Variants in TAAR2 observed in about 807,000 individuals in gnomAD.
TAAR2 encodes trace amine-associated receptor 2.
Under a neutral mutation model 25.5 loss-of-function variants are expected in TAAR2, and 30 were observed. That is an observed-to-expected ratio of 1.18 (90% CI 0.88 to 1.60). The LOEUF is 1.60. TAAR2 is among the 40% of genes most tolerant of loss of function. The probability of loss-of-function intolerance (pLI) is 0.00; values close to 1 mark genes in which losing one functional copy is unlikely to be tolerated. For synonymous variants in TAAR2, 150 were observed against 142.4 expected, an observed-to-expected ratio of 1.05 and a Z score of -0.38; for missense variants, 481 against 416.5, an observed-to-expected ratio of 1.15 and a Z score of -1.35.
In TAAR2 at chr6:132,617,311, C is replaced by A; in HGVS notation, c.895G>T (p.Ala299Ser). The A allele has an allele frequency of 1.2e-6, 2 of 1,613,606 alleles. No individual in the cohort carries two copies. The highest frequency in any genetic ancestry group is 1.7e-6 in the Non-Finnish European group (2 of 1,179,876). ...NFSTPVVLFD[A>S]LTWFGYFNST... ...TTAAAATAGCCAAACCATGTCAAGGCATCAAACAAAACTACAGGAGTAGAG... is the reference window on the plus strand; with the variant it reads ...TTAAAATAGCCAAACCATGTCAAGGAATCAAACAAAACTACAGGAGTAGAG... The change falls in exon 2 of 2, where the codon GCC becomes TCC. Residue 299 changes from alanine to serine, a missense_variant. Ala to Ser is a moderately conservative substitution (Grantham distance 99). Coordinates refer to ENST00000367931, the MANE Select transcript of TAAR2 (RefSeq NM_001033080.1).
intron 1 of TAAR2, among the ~76,000 whole-genome samples, chr6:132,621,373 C>A (rs1428153638): frequency 6.6e-6 from 1 of 151,906 alleles, no homozygotes; most frequent in Non-Finnish European, 1.5e-5. Context: ...GTTTTAAGAC[C>A]CGCATGCGTT....
In TAAR2 at chr6:132,618,210, T is replaced by C. The variant is rs1167908859; in HGVS notation, c.61-65A>G. 4.2e-6 allele frequency: 6 copies of C among 1,421,962 alleles called. No individual in the cohort carries two copies. In the East Asian group the frequency reaches 1.5e-4, roughly 34 times the overall value. The allele number at this position is 1,421,962 out of a possible 1,614,324, so 88.1% of individuals were successfully genotyped here. ...AAATATTCTATGTTTTATATATGCT[T>C]TCATAGAAAAACTCAAGAAAGGCAG... On this transcript the variant is annotated intron_variant, in intron 1 of 1. Coordinates refer to ENST00000367931, the MANE Select transcript of TAAR2 (RefSeq NM_001033080.1).
rs181472383 is a variant in TAAR2 at position 132,618,472 on chromosome 6, T to C, written c.61-327A>G. 2.9e-3 allele frequency among the ~76,000 whole-genome samples: 439 copies of C among 152,168 alleles called. 7 individuals carry two copies. Among genetic ancestry groups the C allele is most frequent in the Admixed American group, 0.028 (424 of 15,276 alleles). ...CTGGCCAACATGGTGAAACCCCATCTCTACTAAAAATACAAAAAGTAGCCA... is the reference window on the plus strand; with the variant it reads ...CTGGCCAACATGGTGAAACCCCATCCCTACTAAAAATACAAAAAGTAGCCA... On this transcript the variant is annotated intron_variant, in intron 1 of 1. Coordinates refer to ENST00000367931, the MANE Select transcript of TAAR2 (RefSeq NM_001033080.1).
In TAAR2 at chr6:132,617,369, G is replaced by T. The variant is rs750434826; in HGVS notation, c.837C>A (p.Phe279Leu). ...GVFLLCWFPC[F>L]FTILLDPFLN... is the part of the protein sequence containing the mutation. ...AAAAGGGATCCAATAAAATTGTGAA[G>T]AAACAAGGAAACCAACATAATAAGA... is the stretch of plus-strand genomic sequence containing the variant. Residue 279 changes from phenylalanine (F) to leucine (L), a missense_variant, in exon 2 of 2, where the codon TTC (phenylalanine) becomes TTA (leucine). Physicochemically the swap from Phe to Leu is conservative, Grantham distance 22. Coordinates refer to ENST00000367931, the MANE Select transcript of TAAR2 (RefSeq NM_001033080.1). The T allele has an allele frequency of 1.2e-6, 2 of 1,613,608 alleles. No individual in the cohort carries two copies. The highest frequency in any genetic ancestry group is 1.7e-6 in the Non-Finnish European group (2 of 1,179,810).
At chr6:132,622,672 G>T (rs1409973242) in intron 1 of TAAR2, among the ~76,000 whole-genome samples, 1 of 151,588 alleles carries the variant, frequency 6.6e-6, no homozygotes, top group Non-Finnish European at 1.5e-5. Context: ...TTTTAGTAGA[G>T]ACACGGTTTC....
At chr6:132,621,823 G>A (rs1408039423) in intron 1 of TAAR2, among the ~76,000 whole-genome samples, 1 of 151,958 alleles carries the variant, frequency 6.6e-6, no homozygotes, top group East Asian at 1.9e-4. Flanking sequence ...TATATCAGAT[G>A]ATTATTTGAT....
intron 1 of TAAR2, 118 bp from the exon 2 acceptor site, chr6:132,618,263 T>C (rs948777363): frequency 5.3e-6 from 5 of 938,886 alleles, no homozygotes; most frequent in African/African-American, 1.7e-5. Flanking sequence ...TAATTTATGC[T>C]GTAATATTAC....
intron 1 of TAAR2, among the ~76,000 whole-genome samples, chr6:132,623,380 T>C (rs1777400917): frequency 6.6e-6 from 1 of 152,106 alleles, no homozygotes. Flanking sequence ...TCCACAATCT[T>C]CCACATGCCT....
intron 1 of TAAR2, among the ~76,000 whole-genome samples, chr6:132,621,379 G>A (rs191250803): frequency 4.7e-4 from 72 of 152,138 alleles, no homozygotes; most frequent in South Asian, 8.3e-4. Flanking sequence ...AGACCCGCAT[G>A]CGTTAGGTAT....
intron 1 of TAAR2, among the ~76,000 whole-genome samples, chr6:132,618,536 A>G (rs545877059): frequency 2.9e-4 from 44 of 152,166 alleles, no homozygotes; most frequent in African/African-American, 9.4e-4. Context: ...GCTACTCGGG[A>G]GGCTGAGGCA....
chr6:132,617,296 CA>C lies in TAAR2; in HGVS notation c.909del (p.Phe303LeufsTer11). ...GGATTACATGTGGAGTTAAAATAGC[CA>C]AACCATGTCAAGGCATCAAACAAAA... ...PVVLFDALTW[F>X]GYFNSTCNPL... is the part of the protein sequence containing the mutation. On this transcript the variant is annotated frameshift_variant, in exon 2 of 2. Coordinates refer to ENST00000367931, the MANE Select transcript of TAAR2 (RefSeq NM_001033080.1). LOFTEE classifies it high-confidence loss of function. 6.8e-6 allele frequency: 11 copies of C among 1,613,594 alleles called. No individual in the cohort carries two copies. Among genetic ancestry groups the C allele is most frequent in the Non-Finnish European group, 9.3e-6 (11 of 1,179,888 alleles).
At position 132,617,892 on chromosome 6, in the gene TAAR2, A is replaced by T; in HGVS notation, c.314T>A (p.Val105Glu). 6.2e-7 allele frequency: 1 copy of T among 1,614,084 alleles called. No homozygotes were observed. Among genetic ancestry groups the T allele is most frequent in the Non-Finnish European group, 8.5e-7 (1 of 1,179,992 alleles). Residue 105 changes from valine (V) to glutamate (E), a missense_variant, in exon 2 of 2, where the codon GTG becomes GAG. Val to Glu is a moderately radical substitution (Grantham distance 121). Coordinates refer to ENST00000367931, the MANE Select transcript of TAAR2 (RefSeq NM_001033080.1). The part of the protein sequence containing the change: ...TIMPYSMIRS[V>E]ENCWYFGLTF... Reference sequence around the variant, plus strand: ...AAGCCCAAAATACCAGCAGTTCTCCACCGATCTGATCATACTATATGGCAT... The same window carrying T: ...AAGCCCAAAATACCAGCAGTTCTCCTCCGATCTGATCATACTATATGGCAT...
chr6:132,617,595 A>G lies in TAAR2; in HGVS notation c.611T>C (p.Met204Thr), dbSNP rs751950255. The G allele has an allele frequency of 2.5e-6, 4 of 1,614,044 alleles. No individual in the cohort carries two copies. In the East Asian group the frequency reaches 6.7e-5, roughly 27 times the overall value. The change falls in exon 2 of 2, where the codon ATG becomes ACG. Residue 204 changes from methionine (M) to threonine (T), a missense_variant. Transcript: ENST00000367931. Reference protein sequence around the residue: ...LVACSSSCPVMFNKLWGTTLF... With the variant: ...LVACSSSCPVTFNKLWGTTLF... ...GGTGGTCCCCCATAGCTTGTTGAAC[A>G]TCACTGGGCAGGAACTGGAACAAGC...
Position 132,617,589 on chromosome 6 carries a change from T to C in TAAR2, c.617A>G (p.Asn206Ser), listed in dbSNP as rs1562194592. 2 of 1,614,040 alleles carry C rather than the reference T, an allele frequency of 1.2e-6. No individual in the cohort carries two copies. The highest frequency in any genetic ancestry group is 3.3e-5 in the Admixed American group (2 of 60,008). The part of the protein sequence containing the change: ...ACSSSCPVMF[N>S]KLWGTTLFMA... ...AAACAAGGTGGTCCCCCATAGCTTGTTGAACATCACTGGGCAGGAACTGGA... is the reference window on the plus strand; with the variant it reads ...AAACAAGGTGGTCCCCCATAGCTTGCTGAACATCACTGGGCAGGAACTGGA... The change falls in exon 2 of 2, where the codon AAC becomes AGC. Residue 206 changes from asparagine (N) to serine (S), a missense_variant. Physicochemically the swap from Asn to Ser is conservative, Grantham distance 46. Transcript: ENST00000367931.
In TAAR2 at chr6:132,624,206, A is replaced by C; in HGVS notation, c.60+10T>G. On this transcript the variant is annotated intron_variant, in intron 1 of 1. Coordinates refer to ENST00000367931, the MANE Select transcript of TAAR2 (RefSeq NM_001033080.1). ...CTGGTTTAAACTTAGTCATATGTTTAAGGGCCTACCTTTTTTGTCTGTGTT... is the reference window on the plus strand; with the variant it reads ...CTGGTTTAAACTTAGTCATATGTTTCAGGGCCTACCTTTTTTGTCTGTGTT... 6.2e-7 allele frequency: 1 copy of C among 1,613,288 alleles called. No homozygotes were observed. Among genetic ancestry groups the C allele is most frequent in the East Asian group, 2.2e-5 (1 of 44,774 alleles).
At chr6:132,619,300 T>C (rs1777343385) in intron 1 of TAAR2, among the ~76,000 whole-genome samples, 1 of 152,236 alleles carries the variant, frequency 6.6e-6, no homozygotes, top group African/African-American at 2.4e-5. Flanking sequence ...CATATTAAAA[T>C]CTGCATGTTA....
In TAAR2 at chr6:132,617,408, T is replaced by A. The variant is rs1191510907; in HGVS notation, c.798A>T (p.Ile266=). ...KDKKAAKTLG[I]VIGVFLLCWF... is the part of the protein sequence containing the mutation. ...AACATAATAAGAAAACTCCTATCACTATTCCTAAAGTTTTGGCAGCTTTTT... is the reference window on the plus strand; with the variant it reads ...AACATAATAAGAAAACTCCTATCACAATTCCTAAAGTTTTGGCAGCTTTTT... Residue 266 remains isoleucine (I), a synonymous_variant, in exon 2 of 2, where the codon ATA becomes ATT. Transcript: ENST00000367931. 6.2e-7 allele frequency: 1 copy of A among 1,613,780 alleles called. No individual in the cohort carries two copies. Among genetic ancestry groups the A allele is most frequent in the East Asian group, 2.2e-5 (1 of 44,756 alleles).
intron 1 of TAAR2, among the ~76,000 whole-genome samples, chr6:132,622,126 A>G (rs1301256242): frequency 1.3e-5 from 2 of 152,048 alleles, no homozygotes; most frequent in African/African-American, 2.4e-5. Flanking sequence ...CATTACTGTT[A>G]CGTTTCTAAA....
At chr6:132,624,182 T>C in intron 1 of TAAR2, 34 bp downstream of exon 1, 5 of 1,598,818 alleles carry the variant, frequency 3.1e-6, no homozygotes, top group Non-Finnish European at 4.3e-6. Flanking sequence ...CAGATGCTAC[T>C]GGTTTAAACT....
Sources: gnomAD v4.1 joint callset for allele counts (sites outside exome capture counted in the v4.1 genomes callset) on GRCh38, gnomAD v4.1.1 for gene constraint, MANE v1.5 for transcripts, NCBI Gene and HGNC (gene_info 2026-07-23, HGNC 2026-07-21) for gene names.